NRXN3: variants seen among roughly 807,000 people sequenced by gnomAD.
NRXN3 encodes neurexin III.
A neutral mutation model predicts 137.6 loss-of-function variants in NRXN3; 32 were observed. That is an observed-to-expected ratio of 0.23 (90% CI 0.18 to 0.31). The LOEUF is 0.31. NRXN3 is among the 10% of genes least tolerant of loss of function. The pLI is 1.00. For synonymous variants in NRXN3, 798 were observed against 784.5 expected, an observed-to-expected ratio of 1.02 and a Z score of -0.29; for missense variants, 1,574 against 2,062.5, an observed-to-expected ratio of 0.76 and a Z score of 4.59.
chr14:78,385,604 G>A (rs2089855747), intron 4 of NRXN3, among the ~76,000 whole-genome samples: 1 of 152,090 alleles, frequency 6.6e-6, no homozygotes, highest in South Asian at 2.1e-4. Flanking sequence ...CCAGTGATTG[G>A]GAAATATTCT....
chr14:79,851,990 G>T (rs1206210317), intron 20 of NRXN3, among the ~76,000 whole-genome samples: 1 of 150,858 alleles, frequency 6.6e-6, no homozygotes, highest in African/African-American at 2.4e-5. Context: ...AAAAAAAATT[G>T]GCTATTCCTC....
At chr14:78,254,284 A>G (rs930500653) in intron 2 of NRXN3, among the ~76,000 whole-genome samples, 10 of 152,240 alleles carry the variant, frequency 6.6e-5, no homozygotes, top group Admixed American at 6.5e-4. Flanking sequence ...TCAGTGCCTC[A>G]TTTTATCAAC....
chr14:79,015,815 G>A (rs142003581), intron 15 of NRXN3, among the ~76,000 whole-genome samples: 23 of 152,254 alleles, frequency 1.5e-4, no homozygotes, highest in Admixed American at 1.4e-3. Context: ...CCCTACAGCA[G>A]GGAGATGTTT....
intron 18 of NRXN3, among the ~76,000 whole-genome samples, chr14:79,693,036 G>A (rs1445359132): frequency 1.3e-5 from 2 of 152,008 alleles, no homozygotes; most frequent in Non-Finnish European, 2.9e-5. Context: ...TCTCTGATTT[G>A]CTGGAGACAA....
chr14:78,674,353 G>A (rs1324993564), intron 6 of NRXN3, among the ~76,000 whole-genome samples: 3 of 152,156 alleles, frequency 2.0e-5, no homozygotes, highest in African/African-American at 4.8e-5. Context: ...GGACCTTTCT[G>A]AAGCCCTGGA....
intron 20 of NRXN3, among the ~76,000 whole-genome samples, chr14:79,848,059 G>A (rs1161499819): frequency 7.2e-5 from 11 of 152,102 alleles, no homozygotes; most frequent in Non-Finnish European, 1.3e-4. Flanking sequence ...TCTTCAGTGT[G>A]CCTTTGCTGA....
intron 16 of NRXN3, among the ~76,000 whole-genome samples, chr14:79,501,318 C>T (rs7158097): frequency 0.029 from 4,389 of 152,136 alleles, 197 homozygotes; most frequent in African/African-American, 0.1. Flanking sequence ...CTATGAGAGA[C>T]CGAGATCCAT....
In NRXN3 at chr14:79,743,029, A is replaced by T. The variant is rs142963153; in HGVS notation, c.4014+45092A>T. ...GGGTTGCCTCAAAACTTTCAGGGTC[A>T]GGGTAGGCAGGCAGTTGGAGATATG... On this transcript the variant is annotated intron_variant, in intron 19 of 20. Transcript: ENST00000335750. Among the ~76,000 whole-genome samples the T allele has an allele frequency of 6.5e-4, 99 of 152,332 alleles. 1 individual carries two copies. In the East Asian group the frequency reaches 0.017, roughly 27 times the overall value.
intron 15 of NRXN3, among the ~76,000 whole-genome samples, chr14:79,062,399 T>C (rs2099675326): frequency 6.6e-6 from 1 of 152,176 alleles, no homozygotes; most frequent in Non-Finnish European, 1.5e-5. Context: ...CCCTTAAGAC[T>C]GTGAACATTC....
chr14:78,606,810 A>G (rs974170727), intron 4 of NRXN3, among the ~76,000 whole-genome samples: 8 of 152,244 alleles, frequency 5.3e-5, no homozygotes, highest in African/African-American at 7.2e-5. Flanking sequence ...AAGCCAAAAC[A>G]TGACCTTTTC....
chr14:78,813,103 G>A (rs2098919598), intron 10 of NRXN3, among the ~76,000 whole-genome samples: 1 of 152,132 alleles, frequency 6.6e-6, no homozygotes, highest in Non-Finnish European at 1.5e-5. Flanking sequence ...GATATATTAT[G>A]CAGAAGAATG....
In NRXN3 at chr14:79,077,993, G is replaced by A. The variant is rs910462621; in HGVS notation, c.3262+89852G>A. 1.4e-4 allele frequency among the ~76,000 whole-genome samples: 21 copies of A among 152,064 alleles called. 1 individual carries two copies. The highest frequency in any genetic ancestry group is 1.2e-3 in the Admixed American group (19 of 15,264). ...AGGGAGCTATTTAGAAATGTATGTA[G>A]CCTTATGTAGAAATTCCAATAAAGC... On this transcript the variant is annotated intron_variant, in intron 15 of 20. Transcript: ENST00000335750.
intron 4 of NRXN3, among the ~76,000 whole-genome samples, chr14:78,570,318 C>T (rs1205386051): frequency 6.6e-6 from 1 of 151,932 alleles, no homozygotes; most frequent in African/African-American, 2.4e-5. Context: ...TCACCAGAAG[C>T]TGACCATGCT....
chr14:79,639,094 T>C (rs973631281), intron 16 of NRXN3, among the ~76,000 whole-genome samples: 4 of 152,078 alleles, frequency 2.6e-5, no homozygotes, highest in African/African-American at 9.7e-5. Context: ...CCTCTCCGTC[T>C]TACCCACACC....
intron 4 of NRXN3, among the ~76,000 whole-genome samples, chr14:78,322,331 G>A (rs1040465501): frequency 2.0e-5 from 3 of 151,964 alleles, no homozygotes; most frequent in African/African-American, 7.3e-5. Context: ...CTGGCTATTC[G>A]GAAAGGGGTG....
chr14:78,235,022 A>ATATATATATATATATATATATATATG (rs1367992560), intron 1 of NRXN3, among the ~76,000 whole-genome samples: 7 of 58,084 alleles, frequency 1.2e-4, no homozygotes, highest in Non-Finnish European at 2.2e-4. Flanking sequence ...ATATATATAT[A>ATATATATATATATATATATATATATG]TGTGTATATA....
intron 10 of NRXN3, among the ~76,000 whole-genome samples, chr14:78,838,429 T>A (rs1479176366): frequency 6.6e-6 from 1 of 152,186 alleles, no homozygotes; most frequent in African/African-American, 2.4e-5. Context: ...ATCCTATGTG[T>A]TGAATCATTA....
intron 19 of NRXN3, among the ~76,000 whole-genome samples, 167 bp from the exon 20 acceptor site, chr14:79,804,945 T>C (rs2099198049): frequency 1.3e-5 from 2 of 152,126 alleles, no homozygotes; most frequent in South Asian, 4.1e-4. Flanking sequence ...AGTCACACAG[T>C]AGTTAAGAAT....
chr14:79,379,639 A>G (rs1358032899), intron 15 of NRXN3, among the ~76,000 whole-genome samples: 2 of 152,216 alleles, frequency 1.3e-5, no homozygotes, highest in East Asian at 1.9e-4. Flanking sequence ...ATCTTTGTAA[A>G]TGCCACTGAT....
Sources: gnomAD v4.1 joint callset for allele counts (sites outside exome capture counted in the v4.1 genomes callset) on GRCh38, gnomAD v4.1.1 for gene constraint, MANE v1.5 for transcripts, NCBI Gene and HGNC (gene_info 2026-07-23, HGNC 2026-07-21) for gene names.